Variants in TRHR observed in about 807,000 individuals in gnomAD.
The protein encoded by TRHR is thyrotropin-releasing hormone receptor.
A neutral mutation model predicts 28.0 loss-of-function variants in TRHR; 14 were observed. The ratio of observed to expected loss-of-function variants is 0.50; its 90% CI spans 0.33 to 0.78. The LOEUF (loss-of-function observed/expected upper bound fraction) is 0.78. Ranked by LOEUF, TRHR falls within the 30% of genes least tolerant of loss-of-function variation. The probability of loss-of-function intolerance (pLI) is 0.02; values close to 1 mark genes in which losing one functional copy is unlikely to be tolerated. For missense variants in TRHR, 438 were observed against 469.5 expected (o/e 0.93, Z 0.62); for synonymous variants, 176 against 171.9 (o/e 1.02, Z -0.18).
chr8:109,115,909 T>G (rs1056471846), intron 2 of TRHR, among the ~76,000 whole-genome samples: 73 of 152,196 alleles, frequency 4.8e-4, no homozygotes, highest in Non-Finnish European at 5.7e-4. Context: ...ATGCTTCCAG[T>G]TTTTGCCCAT....
chr8:109,089,985 C>T (rs1811497192), intron 2 of TRHR, among the ~76,000 whole-genome samples: 1 of 152,196 alleles, frequency 6.6e-6, no homozygotes, highest in African/African-American at 2.4e-5. Context: ...AATTATGTTA[C>T]ATGTTCACAG....
intron 2 of TRHR, among the ~76,000 whole-genome samples, chr8:109,095,810 T>C (rs111435179): frequency 6.6e-6 from 1 of 152,068 alleles, no homozygotes; most frequent in African/African-American, 2.4e-5. Context: ...TCCTTCTAAG[T>C]GCCTTTTTCT....
rs11386314 is a variant in TRHR at position 109,121,083 on chromosome 8, T to TA, written c.*1628_*1629insA. The stretch of plus-strand genomic sequence containing the variant: ...TCCAGAACCTCATTCTAGAGTGCGC[T>TA]TTTTTTTTTTTGAAAATTGGCCTTA... On this transcript the variant is annotated 3_prime_UTR_variant, in exon 3 of 3. Coordinates refer to ENST00000518632, the MANE Select transcript of TRHR (RefSeq NM_003301.7). 3.5e-5 allele frequency among the ~76,000 whole-genome samples: 1 copy of TA among 28,536 alleles called. No individual in the cohort carries two copies. Among genetic ancestry groups the TA allele is most frequent in the Non-Finnish European group, 5.4e-5 (1 of 18,382 alleles). 18.7% of individuals were successfully genotyped at this position (28,536 alleles called of 152,430 possible). A position where few individuals can be genotyped will look rare whatever the true frequency, so the allele number is the denominator to read the frequency against.
At chr8:109,089,787 G>A (rs1811495145) in intron 2 of TRHR, among the ~76,000 whole-genome samples, 1 of 152,160 alleles carries the variant, frequency 6.6e-6, no homozygotes, top group Non-Finnish European at 1.5e-5. Context: ...CAAAGAATAT[G>A]TACATCTCAA....
chr8:109,106,408 G>A (rs1443369126), intron 2 of TRHR, among the ~76,000 whole-genome samples: 2 of 152,076 alleles, frequency 1.3e-5, no homozygotes, highest in African/African-American at 4.8e-5. Context: ...TCAATATTCA[G>A]TAATAGGAAA....
chr8:109,097,342 A>G (rs184450069), intron 2 of TRHR, among the ~76,000 whole-genome samples: 30 of 152,246 alleles, frequency 2.0e-4, no homozygotes, highest in Admixed American at 1.3e-3. Flanking sequence ...ATATATATAT[A>G]TATCTCCAAG....
intron 2 of TRHR, among the ~76,000 whole-genome samples, chr8:109,107,622 T>C (rs1300901806): frequency 6.6e-6 from 1 of 152,184 alleles, no homozygotes; most frequent in Non-Finnish European, 1.5e-5. Flanking sequence ...TCAAATTATG[T>C]TCTTAATCAA....
intron 2 of TRHR, among the ~76,000 whole-genome samples, chr8:109,094,301 G>C (rs1811557432): frequency 6.6e-6 from 1 of 151,634 alleles, no homozygotes; most frequent in African/African-American, 2.4e-5. Flanking sequence ...ATGCAGGCTG[G>C]TGTGCAGTGG....
At chr8:109,091,074 T>A (rs150827718) in intron 2 of TRHR, among the ~76,000 whole-genome samples, 1 of 152,048 alleles carries the variant, frequency 6.6e-6, no homozygotes, top group Non-Finnish European at 1.5e-5. Flanking sequence ...TGTTCAGGGA[T>A]GAGAAATCTG....
Position 109,119,253 on chromosome 8 carries a change from G to A in TRHR, c.995G>A (p.Arg332Lys). 6.2e-7 allele frequency: 1 copy of A among 1,612,814 alleles called. No individual in the cohort carries two copies. The highest frequency in any genetic ancestry group is 8.5e-7 in the Non-Finnish European group (1 of 1,179,254). ...LMSQKFRAAF[R>K]KLCNCKQKPT... The stretch of plus-strand genomic sequence containing the variant: ...TCCCAGAAATTCCGTGCAGCCTTCA[G>A]AAAGCTCTGCAACTGCAAGCAGAAG... The change falls in exon 3 of 3, where the codon AGA becomes AAA. Residue 332 changes from arginine to lysine, a missense_variant. Physicochemically the swap from Arg to Lys is conservative, Grantham distance 26. Coordinates refer to ENST00000518632, the MANE Select transcript of TRHR (RefSeq NM_003301.7).
intron 2 of TRHR, among the ~76,000 whole-genome samples, chr8:109,093,105 A>T (rs1811539245): frequency 6.6e-6 from 1 of 152,172 alleles, no homozygotes; most frequent in African/African-American, 2.4e-5. Flanking sequence ...CAGTTTTCTC[A>T]TCAATAAAAC....
rs1433993197 is a variant in TRHR, at chr8:109,092,742, CT to C, written c.789+4444del. On this transcript the variant is annotated intron_variant, in intron 2 of 2. Coordinates refer to ENST00000518632, the MANE Select transcript of TRHR (RefSeq NM_003301.7). ...GCTTGAGCCACCGCACCCGGCACAA[CT>C]TTCCTTTTTAAAGTAATGCACGCCT... Among the ~76,000 whole-genome samples, 3 of 152,134 alleles carry C rather than the reference CT, an allele frequency of 2.0e-5. No individual in the cohort carries two copies. In the East Asian group the frequency reaches 5.8e-4, roughly 29 times the overall value.
intron 2 of TRHR, among the ~76,000 whole-genome samples, chr8:109,095,390 A>G (rs1445506733): frequency 4.6e-5 from 7 of 152,126 alleles, no homozygotes; most frequent in Admixed American, 2.0e-4. Flanking sequence ...GTCAGAGAAA[A>G]AAGAAGGAAA....
At position 109,089,229 on chromosome 8, in the gene TRHR, C is replaced by G. The variant is rs74308092; in HGVS notation, c.789+928C>G. On this transcript the variant is annotated intron_variant, in intron 2 of 2. Coordinates refer to ENST00000518632, the MANE Select transcript of TRHR (RefSeq NM_003301.7). ...TTCCTTCTTTGTTAAACATAATGAA[C>G]AGATGATAAATATTTATTCTCATAG... Among the ~76,000 whole-genome samples, 24 of 151,878 alleles carry G rather than the reference C, an allele frequency of 1.6e-4. No homozygotes were observed. In the East Asian group the frequency reaches 3.3e-3, roughly 21 times the overall value.
At chr8:109,102,004 C>A (rs1210809361) in intron 2 of TRHR, among the ~76,000 whole-genome samples, 1 of 152,096 alleles carries the variant, frequency 6.6e-6, no homozygotes, top group Non-Finnish European at 1.5e-5. Context: ...GAGACTATTT[C>A]AGTAGTGGTC....
chr8:109,112,617 G>C (rs1463355619), intron 2 of TRHR, among the ~76,000 whole-genome samples: 1 of 152,074 alleles, frequency 6.6e-6, no homozygotes, highest in East Asian at 1.9e-4. Context: ...ACTCCTGTTT[G>C]GGGTAAAACC....
intron 2 of TRHR, among the ~76,000 whole-genome samples, chr8:109,091,354 G>A (rs1325827037): frequency 6.6e-6 from 1 of 152,214 alleles, no homozygotes; most frequent in Non-Finnish European, 1.5e-5. Context: ...AATGAGAACA[G>A]TGAAGGGGAG....
rs1811979602 is a variant in TRHR, at chr8:109,119,870, A to C, written c.*415A>C. 6.6e-6 allele frequency among the ~76,000 whole-genome samples: 1 copy of C among 151,882 alleles called. No individual in the cohort carries two copies. The highest frequency in any genetic ancestry group is 1.5e-5 in the Non-Finnish European group (1 of 67,894). ...TAATTTGACAACATGCAGATTTTTAAATGTTTGCATTTAGTATTCATTTTA... is the reference window on the plus strand; with the variant it reads ...TAATTTGACAACATGCAGATTTTTACATGTTTGCATTTAGTATTCATTTTA... On this transcript the variant is annotated 3_prime_UTR_variant, in exon 3 of 3. Transcript: ENST00000518632.
intron 2 of TRHR, among the ~76,000 whole-genome samples, chr8:109,118,715 A>G (rs904853932): frequency 1.3e-5 from 2 of 151,864 alleles, no homozygotes; most frequent in African/African-American, 2.4e-5. Context: ...AGTCCTTAAC[A>G]ATATCCTTTA....
Sources: allele counts gnomAD v4.1 joint callset (sites outside exome capture counted in the v4.1 genomes callset), GRCh38; gene constraint gnomAD v4.1.1; transcripts MANE v1.5; gene names NCBI Gene and HGNC (gene_info 2026-07-23, HGNC 2026-07-21).